ALKBH5: variants seen among roughly 807,000 people sequenced by gnomAD.
ALKBH5 encodes the protein RNA demethylase ALKBH5.
Under a neutral mutation model 32.1 loss-of-function variants are expected in ALKBH5, and 2 were observed. That is an observed-to-expected ratio of 0.06 (90% CI 0.03 to 0.20). The LOEUF (loss-of-function observed/expected upper bound fraction) is 0.20. Among genes scored for constraint, ALKBH5 ranks in the 10% least tolerant of loss-of-function variants. The pLI is 1.00. For missense variants in ALKBH5, 352 were observed against 559.5 expected (o/e 0.63, Z 3.74); for synonymous variants, 300 against 231.7 (o/e 1.29, Z -2.68).
At chr17:18,196,652 A>T (rs2047206322) in intron 2 of ALKBH5, among the ~76,000 whole-genome samples, 1 of 152,198 alleles carries the variant, frequency 6.6e-6, no homozygotes, top group African/African-American at 2.4e-5. Context: ...CTATCAATGT[A>T]ACTTAACACT....
rs200073604 is a variant in ALKBH5, at chr17:18,199,007, TC to T, written c.851+3977del. On this transcript the variant is annotated intron_variant, in intron 2 of 3. Transcript: ENST00000399138. ...GTGGAGTACCCCAAGTCCTGCCCTTTCCCCCAGTGTGTCGTTGGGATGGATG... is the reference window on the plus strand; with the variant it reads ...GTGGAGTACCCCAAGTCCTGCCCTTTCCCCAGTGTGTCGTTGGGATGGATG... 7.5e-3 allele frequency among the ~76,000 whole-genome samples: 1,136 copies of T among 152,286 alleles called. 6 individuals are homozygous for T. Among genetic ancestry groups the T allele is most frequent in the African/African-American group, 9.5e-3 (396 of 41,554 alleles).
intron 3 of ALKBH5, among the ~76,000 whole-genome samples, chr17:18,207,444 C>T (rs955044060): frequency 6.6e-6 from 1 of 152,152 alleles, no homozygotes; most frequent in Non-Finnish European, 1.5e-5. Flanking sequence ...AGGCAGATCA[C>T]GAGGTCAGGT....
intron 1 of ALKBH5, among the ~76,000 whole-genome samples, chr17:18,185,478 A>G (rs557144596): frequency 2.0e-5 from 3 of 152,308 alleles, no homozygotes; most frequent in African/African-American, 7.2e-5. Flanking sequence ...GTCACAGGCA[A>G]AGGCCCCAGA....
intron 2 of ALKBH5, among the ~76,000 whole-genome samples, chr17:18,199,458 C>T (rs1201294495): frequency 1.3e-5 from 2 of 152,208 alleles, no homozygotes; most frequent in Non-Finnish European, 2.9e-5. Context: ...TGCACTAGTG[C>T]ACTCTGTGCT....
At chr17:18,191,560 G>C (rs2047175159) in intron 1 of ALKBH5, among the ~76,000 whole-genome samples, 1 of 152,202 alleles carries the variant, frequency 6.6e-6, no homozygotes, top group Non-Finnish European at 1.5e-5. Context: ...TTCCTTGTTG[G>C]AGATGGGAAG....
Position 18,185,483 on chromosome 17 carries a change from C to T in ALKBH5, c.770+470C>T, listed in dbSNP as rs142900740. 2.0e-3 allele frequency among the ~76,000 whole-genome samples: 310 copies of T among 152,188 alleles called. 1 individual carries two copies. Among genetic ancestry groups the T allele is most frequent in the Middle Eastern group, 6.8e-3 (2 of 294 alleles). ...AGAGAAAGTAGTCACAGGCAAAGGCCCCAGAGATTATTTAATTGAAGCACA... is the reference window on the plus strand; with the variant it reads ...AGAGAAAGTAGTCACAGGCAAAGGCTCCAGAGATTATTTAATTGAAGCACA... On this transcript the variant is annotated intron_variant, in intron 1 of 3. Coordinates refer to ENST00000399138, the MANE Select transcript of ALKBH5 (RefSeq NM_017758.4).
intron 1 of ALKBH5, among the ~76,000 whole-genome samples, chr17:18,193,964 G>A (rs1489595188): frequency 6.6e-6 from 1 of 152,136 alleles, no homozygotes; most frequent in East Asian, 1.9e-4. Context: ...TGCTTCCAGT[G>A]ATAGCATGTG....
At position 18,184,942 on chromosome 17, in the gene ALKBH5, G is replaced by A. The variant is rs2047128625; in HGVS notation, c.699G>A (p.Gln233=). Residue 233 remains glutamine (Q), a synonymous_variant, in exon 1 of 4, where the codon CAG becomes CAA. Transcript: ENST00000399138. The part of the protein sequence containing the change: ...DSALCFGCKF[Q]FKPIRVSEPV... ...CGCTGTGCTTCGGCTGCAAGTTCCAGTTCAAGCCTATTCGGGTGTCGGAAC... is the reference window on the plus strand; with the variant it reads ...CGCTGTGCTTCGGCTGCAAGTTCCAATTCAAGCCTATTCGGGTGTCGGAAC... The A allele has an allele frequency of 6.2e-7, 1 of 1,613,898 alleles. No homozygotes were observed. Among genetic ancestry groups the A allele is most frequent in the South Asian group, 1.1e-5 (1 of 91,090 alleles).
chr17:18,208,656 G>A lies in ALKBH5; in HGVS notation c.*260G>A. 2 of 590,712 alleles carry A rather than the reference G, an allele frequency of 3.4e-6. No individual in the cohort carries two copies. Among genetic ancestry groups the A allele is most frequent in the South Asian group, 3.4e-5 (2 of 59,400 alleles). 36.6% of individuals were successfully genotyped at this position (590,712 alleles called of 1,614,324 possible). A position where few individuals can be genotyped will look rare whatever the true frequency, so the allele number is the denominator to read the frequency against. On this transcript the variant is annotated 3_prime_UTR_variant, in exon 4 of 4. Transcript: ENST00000399138. Reference sequence around the variant, plus strand: ...TCAATAGGGGACAGAGGCTGATGCTGGAGTGGCCAGTAGAGGTGGTGGAGC... The same window carrying A: ...TCAATAGGGGACAGAGGCTGATGCTAGAGTGGCCAGTAGAGGTGGTGGAGC...
chr17:18,191,589 C>T (rs1393793741), intron 1 of ALKBH5, among the ~76,000 whole-genome samples: 1 of 152,138 alleles, frequency 6.6e-6, no homozygotes, highest in African/African-American at 2.4e-5. Context: ...CTTGGTTATG[C>T]ATATAGCCAA....
In ALKBH5 at chr17:18,208,289, G is replaced by T; in HGVS notation, c.1078G>T (p.Gly360Cys). 6.2e-7 allele frequency: 1 copy of T among 1,614,126 alleles called. No individual in the cohort carries two copies. Among genetic ancestry groups the T allele is most frequent in the Non-Finnish European group, 8.5e-7 (1 of 1,180,016 alleles). ...SVLLPTHRRR[G>C]SFSSENYWRK... Reference sequence around the variant, plus strand: ...GCTGCTGCCCACACACCGGCGGAGGGGTAGCTTCAGCTCTGAGAACTACTG... The same window carrying T: ...GCTGCTGCCCACACACCGGCGGAGGTGTAGCTTCAGCTCTGAGAACTACTG... The change falls in exon 4 of 4, where the codon GGT becomes TGT. Residue 360 changes from glycine (G) to cysteine (C), a missense_variant. This residue lies in a region of ALKBH5 where 124 missense variants were observed against 142.4 expected (regional missense o/e 0.87). Coordinates refer to ENST00000399138, the MANE Select transcript of ALKBH5 (RefSeq NM_017758.4).
rs2047290417 is a variant in ALKBH5, at chr17:18,209,255, G to A, written c.*859G>A. 1 of 152,682 alleles carries A rather than the reference G, an allele frequency of 6.5e-6. No homozygotes were observed. The highest frequency in any genetic ancestry group is 1.5e-5 in the Non-Finnish European group (1 of 68,066). 9.5% of individuals were successfully genotyped at this position (152,682 alleles called of 1,614,324 possible). A position where few individuals can be genotyped will look rare whatever the true frequency, so the allele number is the denominator to read the frequency against. On this transcript the variant is annotated 3_prime_UTR_variant, in exon 4 of 4. Transcript: ENST00000399138. Reference sequence around the variant, plus strand: ...TGGTGTCCTTCCAAGTCTAGCATTTGGGGTATGGAAAATTGTTGTGGTGTG... The same window carrying A: ...TGGTGTCCTTCCAAGTCTAGCATTTAGGGTATGGAAAATTGTTGTGGTGTG...
chr17:18,201,290 G>A (rs2047235122), intron 2 of ALKBH5, among the ~76,000 whole-genome samples: 1 of 152,218 alleles, frequency 6.6e-6, no homozygotes, highest in Non-Finnish European at 1.5e-5. Context: ...TTGGCAGCCT[G>A]ACTGTTCTGA....
In ALKBH5 at chr17:18,206,534, G is replaced by A. The variant is rs918750048; in HGVS notation, c.852-281G>A. On this transcript the variant is annotated intron_variant, in intron 2 of 3. Coordinates refer to ENST00000399138, the MANE Select transcript of ALKBH5 (RefSeq NM_017758.4). Reference sequence around the variant, plus strand: ...GAGGCTGCTTGGTTCAGCTAAGAGCGAGCCCTGGGATCTTGCCCCTAGGGT... The same window carrying A: ...GAGGCTGCTTGGTTCAGCTAAGAGCAAGCCCTGGGATCTTGCCCCTAGGGT... 4.7e-5 allele frequency: 15 copies of A among 319,566 alleles called. No homozygotes were observed. In the East Asian group the frequency reaches 5.6e-4, roughly 12 times the overall value. 19.8% of individuals were successfully genotyped at this position (319,566 alleles called of 1,614,324 possible). A position where few individuals can be genotyped will look rare whatever the true frequency, so the allele number is the denominator to read the frequency against.
Position 18,209,806 on chromosome 17 carries a change from T to C in ALKBH5, c.*1410T>C, listed in dbSNP as rs1000326765. 3 of 152,664 alleles carry C rather than the reference T, an allele frequency of 2.0e-5. No individual in the cohort carries two copies. Among genetic ancestry groups the C allele is most frequent in the African/African-American group, 7.2e-5 (3 of 41,472 alleles). The allele number at this position is 152,664 out of a possible 1,614,324, so 9.5% of individuals were successfully genotyped here. On this transcript the variant is annotated 3_prime_UTR_variant, in exon 4 of 4. Coordinates refer to ENST00000399138, the MANE Select transcript of ALKBH5 (RefSeq NM_017758.4). ...GCCAGAACTCCTTTGCCAGCGTGGA[T>C]TTCTCAAGTCGGGACTGCATAATTA... is the stretch of plus-strand genomic sequence containing the variant.
Position 18,206,827 on chromosome 17 carries a change from T to C in ALKBH5, c.864T>C (p.Asp288=). ...AVIILRKTRL[D]APRLETKSLS... ...GTTTCCTTTGCAGGACAAGATTAGA[T>C]GCACCCCGGTTGGAAACAAAGTCCC... The change falls in exon 3 of 4, where the codon GAT becomes GAC. Residue 288 remains aspartate, a synonymous_variant. Coordinates refer to ENST00000399138, the MANE Select transcript of ALKBH5 (RefSeq NM_017758.4). 6.2e-7 allele frequency: 1 copy of C among 1,614,174 alleles called. No homozygotes were observed. Among genetic ancestry groups the C allele is most frequent in the Non-Finnish European group, 8.5e-7 (1 of 1,180,010 alleles).
chr17:18,202,260 A>T (rs370358036), intron 2 of ALKBH5, among the ~76,000 whole-genome samples: 10 of 152,198 alleles, frequency 6.6e-5, no homozygotes, highest in African/African-American at 2.4e-4. Flanking sequence ...GTGAGCCGAG[A>T]TCGCACCACA....
At chr17:18,193,269 C>T (rs953189145) in intron 1 of ALKBH5, among the ~76,000 whole-genome samples, 18 of 148,830 alleles carry the variant, frequency 1.2e-4, no homozygotes, top group Admixed American at 2.0e-4. Context: ...AGGTTTGGGC[C>T]GGGCGCGGTG....
chr17:18,199,808 A>T (rs1387947087), intron 2 of ALKBH5, among the ~76,000 whole-genome samples: 2 of 152,168 alleles, frequency 1.3e-5, no homozygotes, highest in African/African-American at 4.8e-5. Context: ...CCTGCAAAAA[A>T]AACCCCAAAA....
Sources: allele counts gnomAD v4.1 joint callset (sites outside exome capture counted in the v4.1 genomes callset), GRCh38; gene constraint gnomAD v4.1.1; regional missense constraint gnomAD v4.1.1; transcripts MANE v1.5; gene names NCBI Gene and HGNC (gene_info 2026-07-23, HGNC 2026-07-21).